The following KIF1B variants were observed in gnomAD, a reference collection of about 807,000 sequenced individuals.
KIF1B encodes kinesin-like protein KIF1B.
Under a neutral mutation model 241.9 loss-of-function variants are expected in KIF1B, and 76 were observed. The ratio of observed to expected loss-of-function variants is 0.31; its 90% CI spans 0.26 to 0.38. KIF1B has a LOEUF of 0.38. Ranked by LOEUF, KIF1B falls within the 10% of genes least tolerant of loss-of-function variation. The pLI, the probability that KIF1B is intolerant of heterozygous loss-of-function variation, is 1.00. For missense variants in KIF1B, 1,622 were observed against 2,271.4 expected (o/e 0.71, Z 5.81); for synonymous variants, 750 against 796.7 (o/e 0.94, Z 0.99).
In KIF1B at chr1:10,321,829, A is replaced by G. The variant is rs117525287; in HGVS notation, c.2330A>G (p.Asn777Ser). 3,253 of 1,614,194 alleles carry G rather than the reference A, an allele frequency of 2.0e-3. 55 individuals are homozygous for G. The East Asian group carries it at 0.043, about 21-fold the overall frequency. ...AATGCCGTGTACCTAAAGGAGGCCAATGCCATCAGTGTGGAACTGAAAAAG... is the reference window on the plus strand; with the variant it reads ...AATGCCGTGTACCTAAAGGAGGCCAGTGCCATCAGTGTGGAACTGAAAAAG... ...WGNAVYLKEA[N>S]AISVELKKKV... The change falls in exon 24 of 49, where the codon AAT becomes AGT. Residue 777 changes from asparagine to serine, a missense_variant. Asn to Ser is a conservative substitution (Grantham distance 46, BLOSUM62 1). Around this residue, in one of 7 missense-constraint regions of KIF1B, gnomAD observed 803 missense variants for 1,112.0 expected, o/e 0.72. Coordinates refer to ENST00000676179, the MANE Select transcript of KIF1B (RefSeq NM_001365951.3).
chr1:10,373,016 C>T (rs2102361088), intron 45 of KIF1B, among the ~76,000 whole-genome samples: 2 of 151,370 alleles, frequency 1.3e-5, no homozygotes, highest in Admixed American at 1.3e-4. Context: ...CGGGTTTCAC[C>T]ATTTTGGTCA....
intron 15 of KIF1B, among the ~76,000 whole-genome samples, chr1:10,283,992 G>A (rs1649562051): frequency 6.6e-6 from 1 of 152,202 alleles, no homozygotes; most frequent in Non-Finnish European, 1.5e-5. Flanking sequence ...TTCATGTGAG[G>A]CTGAAAAAGA....
chr1:10,295,193 T>G, intron 18 of KIF1B, 28 bp downstream of exon 18: 1 of 1,329,360 alleles, frequency 7.5e-7, no homozygotes, highest in Non-Finnish European at 1.1e-6. Flanking sequence ...TTTGGTCACT[T>G]CGTGTGTTTT....
chr1:10,375,133 T>A (rs1638847003), intron 47 of KIF1B, 87 bp downstream of exon 47: 1 of 1,526,722 alleles, frequency 6.5e-7, no homozygotes, highest in African/African-American at 1.4e-5. Context: ...GTGTGAAATT[T>A]CCCTATTCTC....
chr1:10,223,857 A>G (rs1002770567), intron 1 of KIF1B, among the ~76,000 whole-genome samples: 5 of 151,932 alleles, frequency 3.3e-5, no homozygotes, highest in African/African-American at 1.2e-4. Flanking sequence ...AGTTTTTACC[A>G]TGAGACAGTA....
At chr1:10,226,278 T>C (rs1341348443) in intron 1 of KIF1B, among the ~76,000 whole-genome samples, 1 of 152,142 alleles carries the variant, frequency 6.6e-6, no homozygotes, top group Non-Finnish European at 1.5e-5. Context: ...GGGATAGAGG[T>C]TTCGGCTTTA....
intron 22 of KIF1B, chr1:10,307,226 T>C (rs1013936967): frequency 9.7e-7 from 1 of 1,026,042 alleles, no homozygotes; most frequent in African/African-American, 1.7e-5. Context: ...TGAATAAAAT[T>C]GCTTAATTGA....
chr1:10,215,326 GC>G (rs1196794092), intron 1 of KIF1B, among the ~76,000 whole-genome samples: 1 of 150,324 alleles, frequency 6.7e-6, no homozygotes, highest in Non-Finnish European at 1.5e-5. Context: ...ACAGGCCTGT[GC>G]CACCACGCCC....
At chr1:10,359,747 G>T (rs537251147) in intron 38 of KIF1B, among the ~76,000 whole-genome samples, 1 of 151,808 alleles carries the variant, frequency 6.6e-6, no homozygotes, top group African/African-American at 2.4e-5. Context: ...TTAAAATAAG[G>T]CTCTCGGCCG....
intron 27 of KIF1B, among the ~76,000 whole-genome samples, chr1:10,333,336 C>T (rs1247193081): frequency 1.3e-5 from 2 of 151,018 alleles, no homozygotes; most frequent in Non-Finnish European, 2.9e-5. Context: ...CGCCATTGCA[C>T]TCCAGCCTGG....
intron 2 of KIF1B, among the ~76,000 whole-genome samples, chr1:10,236,306 A>AACAACAACAACAACAAC (rs1553161281): frequency 2.0e-5 from 3 of 148,684 alleles, no homozygotes; most frequent in Non-Finnish European, 4.4e-5. Context: ...ACAACAACAA[A>AACAACAACAACAACAAC]AACCCATATA....
chr1:10,378,340 C>T lies in KIF1B; in HGVS notation c.*1753C>T. On this transcript the variant is annotated 3_prime_UTR_variant, in exon 49 of 49. Transcript: ENST00000676179. ...GACAGTCTTCTTTCCTTCTGACAGA[C>T]CAGGTCATCTGGCTTCCGAGATCAT... 2 of 717,964 alleles carry T rather than the reference C, an allele frequency of 2.8e-6. No individual in the cohort carries two copies. Among genetic ancestry groups the T allele is most frequent in the Non-Finnish European group, 5.2e-6 (2 of 385,206 alleles). 44.5% of individuals were successfully genotyped at this position (717,964 alleles called of 1,614,324 possible).
rs753808186 is a variant in KIF1B at position 10,321,746 on chromosome 1, G to T, written c.2247G>T (p.Trp749Cys). 1 of 1,614,080 alleles carries T rather than the reference G, an allele frequency of 6.2e-7. No individual in the cohort carries two copies. Among genetic ancestry groups the T allele is most frequent in the Non-Finnish European group, 8.5e-7 (1 of 1,179,944 alleles). The change falls in exon 24 of 49, where the codon TGG becomes TGT. Residue 749 changes from tryptophan (W) to cysteine (C), a missense_variant. This residue lies in a region of KIF1B where 803 missense variants were observed against 1,112.0 expected (regional missense o/e 0.72). Transcript: ENST00000676179. ...WTQHEFELAQ[W>C]AFRKWKSHQF... The stretch of plus-strand genomic sequence containing the variant: ...AGCATGAATTTGAGTTGGCCCAATG[G>T]GCCTTCCGGAAATGGAAGTCTCATC...
chr1:10,290,903 G>C (rs1253857141), intron 15 of KIF1B, among the ~76,000 whole-genome samples, 179 bp from the exon 16 acceptor site: 1 of 151,598 alleles, frequency 6.6e-6, no homozygotes, highest in African/African-American at 2.4e-5. Context: ...GTTTGGGGTT[G>C]ATTTAGTTTT....
In KIF1B at chr1:10,258,528, G is replaced by A. The variant is rs1475927794; in HGVS notation, c.219G>A (p.Val73=). Residue 73 remains valine (V), a synonymous_variant, in exon 4 of 49, where the codon GTG becomes GTA. Coordinates refer to ENST00000676179, the MANE Select transcript of KIF1B (RefSeq NM_001365951.3). The part of the protein sequence containing the change: ...EDPCFASQNR[V]YNDIGKEMLL... Reference sequence around the variant, plus strand: ...CCTGTTTTGCATCTCAAAACCGTGTGTACAATGACATTGGCAAGGAAATGC... The same window carrying A: ...CCTGTTTTGCATCTCAAAACCGTGTATACAATGACATTGGCAAGGAAATGC... The A allele has an allele frequency of 6.2e-7, 1 of 1,614,094 alleles. No homozygotes were observed. Among genetic ancestry groups the A allele is most frequent in the South Asian group, 1.1e-5 (1 of 91,076 alleles).
In KIF1B at chr1:10,381,225, AC is replaced by A. The variant is rs2102372044; in HGVS notation, c.*4640del. On this transcript the variant is annotated 3_prime_UTR_variant, in exon 49 of 49. Coordinates refer to ENST00000676179, the MANE Select transcript of KIF1B (RefSeq NM_001365951.3). ...GTCTTAGACTTTGTGGCTCTAAAGT[AC>A]CTGTCTGTTGAGATTTCAAGTCTCT... 1 of 223,664 alleles carries A rather than the reference AC, an allele frequency of 4.5e-6. No homozygotes were observed. Among genetic ancestry groups the A allele is most frequent in the African/African-American group, 2.2e-5 (1 of 44,860 alleles). The allele number at this position is 223,664 out of a possible 1,614,324, so 13.9% of individuals were successfully genotyped here. A position where few individuals can be genotyped will look rare whatever the true frequency, so the allele number is the denominator to read the frequency against.
chr1:10,329,270 C>T (rs1366052068), intron 27 of KIF1B, among the ~76,000 whole-genome samples: 1 of 152,090 alleles, frequency 6.6e-6, no homozygotes, highest in African/African-American at 2.4e-5. Context: ...TCCATTTTTG[C>T]CCTTGACTAC....
At chr1:10,214,004 T>G (rs539505073) in intron 1 of KIF1B, among the ~76,000 whole-genome samples, 146 of 149,688 alleles carry the variant, frequency 9.8e-4, no homozygotes, top group Non-Finnish European at 1.7e-3. Flanking sequence ...ATGTGGGTGG[T>G]GTGTGTTTGT....
intron 13 of KIF1B, 76 bp from the exon 14 acceptor site, chr1:10,279,021 G>A (rs1649265979): frequency 1.9e-6 from 2 of 1,048,542 alleles, no homozygotes; most frequent in Middle Eastern, 2.0e-4. Context: ...GCCAAAAACT[G>A]CTCTGTTCCC....
Sources: allele counts gnomAD v4.1 joint callset (sites outside exome capture counted in the v4.1 genomes callset), GRCh38; gene constraint gnomAD v4.1.1; regional missense constraint gnomAD v4.1.1; transcripts MANE v1.5; gene names NCBI Gene and HGNC (gene_info 2026-07-23, HGNC 2026-07-21).